The following SEMA6D variants were observed in gnomAD, a reference collection of about 807,000 sequenced individuals.
SEMA6D encodes the protein semaphorin-6D.
In SEMA6D, 35 loss-of-function variants were observed where a neutral mutation model predicts 106.6. The observed-to-expected ratio is 0.33, with a 90% CI of 0.25 to 0.44. The LOEUF (loss-of-function observed/expected upper bound fraction) is 0.44, where lower values mean the gene tolerates loss of function less well. Among genes scored for constraint, SEMA6D ranks in the 20% least tolerant of loss-of-function variants. The probability of loss-of-function intolerance (pLI) is 1.00; values close to 1 mark genes in which losing one functional copy is unlikely to be tolerated. For synonymous variants in SEMA6D, 499 were observed against 487.7 expected, an observed-to-expected ratio of 1.02 and a Z score of -0.31; for missense variants, 1,185 against 1,345.9, an observed-to-expected ratio of 0.88 and a Z score of 1.87.
At chr15:47,503,482 G>C (rs183463174) in intron 3 of SEMA6D, among the ~76,000 whole-genome samples, 4 of 152,142 alleles carry the variant, frequency 2.6e-5, no homozygotes, top group African/African-American at 9.7e-5. Flanking sequence ...TGGGCTGGTC[G>C]CAGTTCCATA....
chr15:47,489,191 C>T (rs1042536985), intron 3 of SEMA6D, among the ~76,000 whole-genome samples: 1 of 152,058 alleles, frequency 6.6e-6, no homozygotes, highest in Non-Finnish European at 1.5e-5. Context: ...GTGACGCTGC[C>T]ACAGCCAAGG....
intron 3 of SEMA6D, among the ~76,000 whole-genome samples, chr15:47,478,768 T>C (rs1567108975): frequency 6.6e-6 from 1 of 152,208 alleles, no homozygotes; most frequent in East Asian, 1.9e-4. Flanking sequence ...AATAAAGACA[T>C]ACCCAACATT....
chr15:47,344,269 G>A (rs2037952778), intron 1 of SEMA6D, among the ~76,000 whole-genome samples: 1 of 152,114 alleles, frequency 6.6e-6, no homozygotes, highest in African/African-American at 2.4e-5. Flanking sequence ...ATATTTTAGT[G>A]CACATTTAAA....
chr15:47,387,841 A>T (rs927929441), intron 1 of SEMA6D, among the ~76,000 whole-genome samples: 3 of 152,208 alleles, frequency 2.0e-5, no homozygotes, highest in Admixed American at 1.3e-4. Context: ...CTGTTTCTTC[A>T]TCTGTAACCT....
chr15:47,683,016 C>CT (rs1436352885), intron 4 of SEMA6D, among the ~76,000 whole-genome samples: 1 of 152,204 alleles, frequency 6.6e-6, no homozygotes, highest in East Asian at 1.9e-4. Flanking sequence ...CATTGAGACT[C>CT]TAAAGAGCAG....
At chr15:47,406,722 C>T (rs1010594612) in intron 1 of SEMA6D, among the ~76,000 whole-genome samples, 6 of 147,696 alleles carry the variant, frequency 4.1e-5, no homozygotes, top group Non-Finnish European at 8.9e-5. Context: ...CGTTATTAAT[C>T]ATGTGTTGTA....
rs974723296 is a variant in SEMA6D, at chr15:47,660,495, A to G, written c.-55+59599A>G. ...GAAAGCATATATGGGATGTGGACAAACACGTAGACCCAGGCGGATGCAAAG... is the reference window on the plus strand; with the variant it reads ...GAAAGCATATATGGGATGTGGACAAGCACGTAGACCCAGGCGGATGCAAAG... On this transcript the variant is annotated intron_variant, in intron 4 of 19. Transcript: ENST00000558014. Among the ~76,000 whole-genome samples the G allele has an allele frequency of 5.9e-5, 9 of 152,290 alleles. No individual in the cohort carries two copies. The South Asian group carries it at 1.5e-3, about 25-fold the overall frequency.
At chr15:47,309,792 C>T (rs1032491484) in intron 1 of SEMA6D, among the ~76,000 whole-genome samples, 3 of 152,094 alleles carry the variant, frequency 2.0e-5, no homozygotes, top group Non-Finnish European at 4.4e-5. Flanking sequence ...TATAATAAAG[C>T]GTTGAATATC....
At chr15:47,616,231 G>A (rs549277848) in intron 4 of SEMA6D, among the ~76,000 whole-genome samples, 5 of 151,604 alleles carry the variant, frequency 3.3e-5, no homozygotes, top group South Asian at 2.1e-4. Flanking sequence ...GTGCAGTGGT[G>A]CAATCTCAGC....
chr15:47,194,555 C>T (rs192156265), intron 1 of SEMA6D, among the ~76,000 whole-genome samples: 30 of 152,134 alleles, frequency 2.0e-4, no homozygotes, highest in Admixed American at 1.4e-3. Context: ...AGAACCAGGT[C>T]AAAAATACTA....
intron 1 of SEMA6D, among the ~76,000 whole-genome samples, chr15:47,258,813 T>A (rs543746925): frequency 6.6e-6 from 1 of 152,268 alleles, no homozygotes; most frequent in Non-Finnish European, 1.5e-5. Flanking sequence ...TGGCTCTGTT[T>A]CTCTGGGGAC....
At chr15:47,225,259 T>C (rs1025942566) in intron 1 of SEMA6D, among the ~76,000 whole-genome samples, 1 of 151,988 alleles carries the variant, frequency 6.6e-6, no homozygotes, top group Non-Finnish European at 1.5e-5. Flanking sequence ...GGCTGTATCA[T>C]TTTGTGTTTG....
Position 47,765,936 on chromosome 15 carries a change from T to A in SEMA6D, c.1495T>A (p.Leu499Ile). 1 of 1,581,798 alleles carries A rather than the reference T, an allele frequency of 6.3e-7. No homozygotes were observed. Among genetic ancestry groups the A allele is most frequent in the Non-Finnish European group, 8.6e-7 (1 of 1,164,632 alleles). ...ACAGTTGGATAAAGATCACCACGCTTTATATGTGGCGTTCTCTAGCTGCAT... is the reference window on the plus strand; with the variant it reads ...ACAGTTGGATAAAGATCACCACGCTATATATGTGGCGTTCTCTAGCTGCAT... The part of the protein sequence containing the change: ...SLQLDKDHHA[L>I]YVAFSSCIIR... The change falls in exon 14 of 19, where the codon TTA (leucine) becomes ATA (isoleucine). Residue 499 changes from leucine to isoleucine, a missense_variant. This residue lies in a region of SEMA6D where 750 missense variants were observed against 783.5 expected (regional missense o/e 0.96). Coordinates refer to ENST00000536845, the MANE Select transcript of SEMA6D (RefSeq NM_001358351.3).
At chr15:47,588,523 G>A (rs2076382624) in intron 3 of SEMA6D, among the ~76,000 whole-genome samples, 1 of 152,278 alleles carries the variant, frequency 6.6e-6, no homozygotes, top group South Asian at 2.1e-4. Flanking sequence ...TTGGAGAAAA[G>A]TTTTGAGTTA....
chr15:47,348,709 ACACACACAC>A (rs1253969248), intron 1 of SEMA6D, among the ~76,000 whole-genome samples: 1,800 of 100,572 alleles, frequency 0.018, 28 homozygotes, highest in Non-Finnish European at 0.026. Context: ...ACACACACAC[ACACACACAC>A]CACACACACA....
chr15:47,228,815 G>C (rs772926512), intron 1 of SEMA6D, among the ~76,000 whole-genome samples: 1 of 152,124 alleles, frequency 6.6e-6, no homozygotes, highest in Admixed American at 6.6e-5. Flanking sequence ...CCTCTATGGA[G>C]TGCCAAAGTG....
chr15:47,222,155 A>AT, intron 1 of SEMA6D, among the ~76,000 whole-genome samples: 1 of 152,242 alleles, frequency 6.6e-6, no homozygotes, highest in East Asian at 1.9e-4. Flanking sequence ...CAGGGAATCC[A>AT]TTTTTTATGT....
chr15:47,477,865 G>T (rs2043043992), intron 3 of SEMA6D, among the ~76,000 whole-genome samples: 1 of 142,434 alleles, frequency 7.0e-6, no homozygotes, highest in African/African-American at 2.8e-5. Flanking sequence ...TATTGGCTTA[G>T]TCTCCTCATA....
chr15:47,370,529 A>G (rs1488272339), intron 1 of SEMA6D, among the ~76,000 whole-genome samples: 1 of 151,092 alleles, frequency 6.6e-6, no homozygotes, highest in Non-Finnish European at 1.5e-5. Flanking sequence ...ACAAAAAAGA[A>G]AGGTAGTGAT....
Sources: allele counts gnomAD v4.1 joint callset (sites outside exome capture counted in the v4.1 genomes callset), GRCh38; gene constraint gnomAD v4.1.1; regional missense constraint gnomAD v4.1.1; transcripts MANE v1.5; gene names NCBI Gene and HGNC (gene_info 2026-07-23, HGNC 2026-07-21).